AUTS2: variants seen among roughly 807,000 people sequenced by gnomAD.
The protein encoded by AUTS2 is autism susceptibility gene 2 protein.
A neutral mutation model predicts 112.4 loss-of-function variants in AUTS2; 17 were observed. The observed-to-expected ratio is 0.15, with a 90% CI of 0.10 to 0.23. The LOEUF (loss-of-function observed/expected upper bound fraction) is 0.23, where lower values mean the gene tolerates loss of function less well. Ranked by LOEUF, AUTS2 falls within the 10% of genes least tolerant of loss-of-function variation. The pLI is 1.00. For synonymous variants in AUTS2, 751 were observed against 702.7 expected, an observed-to-expected ratio of 1.07 and a Z score of -1.09; for missense variants, 1,510 against 1,701.6, an observed-to-expected ratio of 0.89 and a Z score of 1.98.
At chr7:70,413,080 G>T (rs1386738930) in intron 4 of AUTS2, among the ~76,000 whole-genome samples, 3 of 152,246 alleles carry the variant, frequency 2.0e-5, no homozygotes, top group East Asian at 3.8e-4. Flanking sequence ...GGGGAACTGG[G>T]AGGAGAGCTG....
chr7:70,184,058 T>G (rs1241717239), intron 4 of AUTS2, among the ~76,000 whole-genome samples: 1 of 152,166 alleles, frequency 6.6e-6, no homozygotes, highest in Non-Finnish European at 1.5e-5. Flanking sequence ...GTAAGTCGGA[T>G]TTTCTTTAAA....
intron 4 of AUTS2, among the ~76,000 whole-genome samples, chr7:70,208,522 T>G (rs1272178797): frequency 6.6e-6 from 1 of 152,162 alleles, no homozygotes; most frequent in East Asian, 1.9e-4. Flanking sequence ...AAAAAAAATT[T>G]ATATTAAGCA....
intron 5 of AUTS2, among the ~76,000 whole-genome samples, chr7:70,534,905 G>C (rs972109748): frequency 7.2e-5 from 11 of 151,816 alleles, no homozygotes; most frequent in Admixed American, 2.6e-4. Flanking sequence ...TCACGAACTG[G>C]TGAAAAAAAA....
chr7:69,752,366 C>G (rs574964489), intron 1 of AUTS2, among the ~76,000 whole-genome samples: 2 of 152,340 alleles, frequency 1.3e-5, no homozygotes, highest in East Asian at 1.9e-4. Context: ...CAAGCCAAGG[C>G]TGTCGCTTGC....
chr7:70,725,538 A>G (rs1786976768), intron 6 of AUTS2, among the ~76,000 whole-genome samples: 1 of 152,184 alleles, frequency 6.6e-6, no homozygotes, highest in Admixed American at 6.5e-5. Context: ...CTGCCTAAGG[A>G]TTTTCCATTT....
chr7:70,480,354 A>G (rs13232100), intron 5 of AUTS2, among the ~76,000 whole-genome samples: 62,578 of 152,100 alleles, frequency 0.41, 13,246 homozygotes, highest in African/African-American at 0.47. Flanking sequence ...AGGTAGAAAT[A>G]GCTCAGAAGA....
chr7:70,542,138 C>T (rs1800575659), intron 5 of AUTS2, among the ~76,000 whole-genome samples: 1 of 152,080 alleles, frequency 6.6e-6, no homozygotes, highest in Admixed American at 6.5e-5. Flanking sequence ...GAATACAGAC[C>T]TGTTCTGTCT....
At chr7:70,164,218 C>T (rs1366579556) in intron 4 of AUTS2, among the ~76,000 whole-genome samples, 1 of 152,096 alleles carries the variant, frequency 6.6e-6, no homozygotes, top group East Asian at 1.9e-4. Context: ...ACATCTTACA[C>T]TTGTAAGATG....
At chr7:70,167,799 C>T (rs1209979027) in intron 4 of AUTS2, among the ~76,000 whole-genome samples, 1 of 152,174 alleles carries the variant, frequency 6.6e-6, no homozygotes, top group African/African-American at 2.4e-5. Flanking sequence ...CGATAACATA[C>T]TTTTAAATAA....
intron 5 of AUTS2, among the ~76,000 whole-genome samples, chr7:70,648,128 G>A (rs757713076): frequency 1.3e-5 from 2 of 152,168 alleles, no homozygotes; most frequent in Admixed American, 1.3e-4. Context: ...CAGGGTTCTG[G>A]TGAGGGTTCC....
intron 4 of AUTS2, among the ~76,000 whole-genome samples, chr7:70,359,035 T>A (rs1303176437): frequency 6.6e-6 from 1 of 152,212 alleles, no homozygotes; most frequent in Non-Finnish European, 1.5e-5. Flanking sequence ...TTTTTTCCAT[T>A]AGCATTTAAA....
chr7:70,289,869 A>G (rs187323710), intron 4 of AUTS2, among the ~76,000 whole-genome samples: 8 of 152,358 alleles, frequency 5.3e-5, no homozygotes, highest in African/African-American at 1.7e-4. Context: ...AGGGAAATAC[A>G]TAAATAACTA....
At chr7:69,661,963 G>A (rs954726155) in intron 1 of AUTS2, among the ~76,000 whole-genome samples, 2 of 152,188 alleles carry the variant, frequency 1.3e-5, no homozygotes, top group African/African-American at 2.4e-5. Flanking sequence ...TCTCCTGGGC[G>A]TATGTAATTG....
At chr7:69,682,252 A>C (rs1584062046) in intron 1 of AUTS2, among the ~76,000 whole-genome samples, 1 of 152,192 alleles carries the variant, frequency 6.6e-6, no homozygotes, top group South Asian at 2.1e-4. Context: ...TACCTATTAC[A>C]CAGTTAGAAA....
intron 4 of AUTS2, among the ~76,000 whole-genome samples, chr7:70,190,816 A>AT (rs933337192): frequency 1.3e-5 from 2 of 151,946 alleles, no homozygotes; most frequent in South Asian, 2.1e-4. Flanking sequence ...ATTGCTTATA[A>AT]TTTTTTTTCA....
chr7:69,988,464 TA>T (rs1404492490), intron 2 of AUTS2, among the ~76,000 whole-genome samples: 2 of 152,220 alleles, frequency 1.3e-5, no homozygotes, highest in African/African-American at 2.4e-5. Context: ...CAAGCATGGA[TA>T]ACATTTAATG....
chr7:70,729,554 C>A (rs1367809502), intron 6 of AUTS2, among the ~76,000 whole-genome samples: 1 of 152,200 alleles, frequency 6.6e-6, no homozygotes, highest in Non-Finnish European at 1.5e-5. Context: ...CAGGGTAGGA[C>A]CCAGGTCTTA....
intron 4 of AUTS2, among the ~76,000 whole-genome samples, chr7:70,431,200 C>T (rs1019619969): frequency 1.3e-5 from 2 of 151,858 alleles, no homozygotes; most frequent in African/African-American, 2.4e-5. Context: ...AAATATTTGA[C>T]GTGTTATGTG....
chr7:70,205,474 A>G (rs1462474095), intron 4 of AUTS2, among the ~76,000 whole-genome samples: 1 of 152,176 alleles, frequency 6.6e-6, no homozygotes, highest in Non-Finnish European at 1.5e-5. Context: ...AATAAATTAT[A>G]ATAACATATT....
Sources: allele counts gnomAD v4.1 joint callset (sites outside exome capture counted in the v4.1 genomes callset), GRCh38; gene constraint gnomAD v4.1.1; transcripts MANE v1.5; gene names NCBI Gene and HGNC (gene_info 2026-07-23, HGNC 2026-07-21).